SLC35F1: variants seen among roughly 807,000 people sequenced by gnomAD.
SLC35F1 encodes the protein chromosome 6 open reading frame 169.
A neutral mutation model predicts 48.7 loss-of-function variants in SLC35F1; 14 were observed. The observed-to-expected ratio is 0.29, with a 90% CI of 0.19 to 0.45. SLC35F1 has a LOEUF of 0.45. Ranked by LOEUF, SLC35F1 falls within the 20% of genes least tolerant of loss-of-function variation. SLC35F1 has a pLI of 1.00. For synonymous variants in SLC35F1, 190 were observed against 202.2 expected, an observed-to-expected ratio of 0.94 and a Z score of 0.51; for missense variants, 404 against 500.0, an observed-to-expected ratio of 0.81 and a Z score of 1.83.
chr6:118,113,892 G>A lies in SLC35F1; in HGVS notation c.174-40553G>A, dbSNP rs555439797. Among the ~76,000 whole-genome samples, 34 of 152,188 alleles carry A rather than the reference G, an allele frequency of 2.2e-4. No homozygotes were observed. In the East Asian group the frequency reaches 2.7e-3, roughly 12 times the overall value. On this transcript the variant is annotated intron_variant, in intron 1 of 7. Transcript: ENST00000360388. ...TATTGTCTGTCTTCTATTCTATGCC[G>A]AAGCTGTTAATATATTTGCAGTGCC...
At chr6:117,993,933 G>C (rs2114860021) in intron 1 of SLC35F1, among the ~76,000 whole-genome samples, 1 of 152,300 alleles carries the variant, frequency 6.6e-6, no homozygotes, top group African/African-American at 2.4e-5. Flanking sequence ...ATGCAAATTT[G>C]TTATTTCACG....
intron 1 of SLC35F1, among the ~76,000 whole-genome samples, chr6:118,029,496 T>G (rs186203594): frequency 1.3e-5 from 2 of 152,290 alleles, no homozygotes; most frequent in Non-Finnish European, 2.9e-5. Context: ...AAATTAAACT[T>G]TATCATGTTT....
Position 118,038,448 on chromosome 6 carries a change from G to A in SLC35F1, c.174-115997G>A, listed in dbSNP as rs58183780. 3.0e-3 allele frequency among the ~76,000 whole-genome samples: 460 copies of A among 152,078 alleles called. 3 individuals are homozygous for A. The highest frequency in any genetic ancestry group is 0.01 in the African/African-American group (434 of 41,534). On this transcript the variant is annotated intron_variant, in intron 1 of 7. Transcript: ENST00000360388. ...TTTATTTTGGTAGGGATTGTGTCAA[G>A]TCTGTAGATCAATTTGAGGAGTGCT... is the stretch of plus-strand genomic sequence containing the variant.
intron 2 of SLC35F1, among the ~76,000 whole-genome samples, chr6:118,178,333 G>A (rs1774523292): frequency 6.6e-6 from 1 of 151,964 alleles, no homozygotes; most frequent in African/African-American, 2.4e-5. Flanking sequence ...CCCATGTGTG[G>A]GAAGATCCTG....
Position 117,923,670 on chromosome 6 carries a change from T to TATATGCAC in SLC35F1, c.173+15776_173+15777insCACATATG, listed in dbSNP as rs1554216693. Among the ~76,000 whole-genome samples the TATATGCAC allele has an allele frequency of 1.1e-4, 3 of 26,826 alleles. 1 individual carries two copies. The highest frequency in any genetic ancestry group is 6.6e-4 in the African/African-American group (3 of 4,558). 17.6% of individuals were successfully genotyped at this position (26,826 alleles called of 152,430 possible). A position where few individuals can be genotyped will look rare whatever the true frequency, so the allele number is the denominator to read the frequency against. ...ACATATGTACATATGTATATATACA[T>TATATGCAC]ATATGTACATATATACATATGTACA... On this transcript the variant is annotated intron_variant, in intron 1 of 7. Coordinates refer to ENST00000360388, the MANE Select transcript of SLC35F1 (RefSeq NM_001029858.4).
chr6:118,088,802 C>T (rs1773030244), intron 1 of SLC35F1, among the ~76,000 whole-genome samples: 3 of 151,966 alleles, frequency 2.0e-5, no homozygotes, highest in African/African-American at 7.3e-5. Flanking sequence ...ATGTGTTAGC[C>T]CAGAGGAAGC....
At chr6:118,048,653 C>T (rs1254827401) in intron 1 of SLC35F1, among the ~76,000 whole-genome samples, 4 of 152,086 alleles carry the variant, frequency 2.6e-5, no homozygotes, top group African/African-American at 9.7e-5. Context: ...ATCCAACTTA[C>T]AAGGGATGTG....
intron 1 of SLC35F1, among the ~76,000 whole-genome samples, chr6:118,095,698 A>G (rs994338288): frequency 6.6e-6 from 1 of 152,186 alleles, no homozygotes; most frequent in African/African-American, 2.4e-5. Flanking sequence ...CAAATCAGAC[A>G]TACACAATAG....
intron 1 of SLC35F1, among the ~76,000 whole-genome samples, chr6:118,094,093 G>C (rs544274671): frequency 1.8e-4 from 28 of 152,284 alleles, no homozygotes; most frequent in African/African-American, 6.3e-4. Context: ...TTGCTTTTAA[G>C]GTGGCAGTTA....
chr6:118,071,058 T>TACTATGTGTACATA (rs1477288603), intron 1 of SLC35F1, among the ~76,000 whole-genome samples: 1 of 3,154 alleles, frequency 3.2e-4, no homozygotes. Flanking sequence ...AGTATATATA[T>TACTATGTGTACATA]TCTACGTATA....
At chr6:117,984,086 C>T (rs896565820) in intron 1 of SLC35F1, among the ~76,000 whole-genome samples, 1 of 152,100 alleles carries the variant, frequency 6.6e-6, no homozygotes, top group African/African-American at 2.4e-5. Flanking sequence ...GAAAAAACTC[C>T]TTATATATTT....
chr6:117,907,859 C>G lies in SLC35F1; in HGVS notation c.133C>G (p.Arg45Gly), dbSNP rs759584445. Residue 45 changes from arginine to glycine, a missense_variant, in exon 1 of 8, where the codon CGG (arginine) becomes GGG (glycine). Physicochemically the swap from Arg to Gly is moderately radical, Grantham distance 125. Transcript: ENST00000360388. ...GGGGSLSASS[R>G]AGVRQRIRKV... ...CGGCGGGAGCCTGTCCGCCTCCTCC[C>G]GGGCTGGCGTGCGCCAGAGGATCCG... The G allele has an allele frequency of 2.6e-6, 4 of 1,526,088 alleles. No individual in the cohort carries two copies. The highest frequency in any genetic ancestry group is 2.6e-6 in the Non-Finnish European group (3 of 1,147,040). 94.5% of individuals were successfully genotyped at this position (1,526,088 alleles called of 1,614,324 possible).
At chr6:118,091,373 G>A in intron 1 of SLC35F1, among the ~76,000 whole-genome samples, 1 of 152,164 alleles carries the variant, frequency 6.6e-6, no homozygotes. Context: ...ATGGGGACAG[G>A]TTTTTCCCAT....
At chr6:118,109,930 A>G (rs1157699192) in intron 1 of SLC35F1, among the ~76,000 whole-genome samples, 1 of 152,170 alleles carries the variant, frequency 6.6e-6, no homozygotes, top group East Asian at 1.9e-4. Context: ...TCTGTGAGGG[A>G]CTATATTAGT....
At chr6:118,242,904 C>T (rs963523238) in intron 3 of SLC35F1, among the ~76,000 whole-genome samples, 2 of 152,220 alleles carry the variant, frequency 1.3e-5, no homozygotes, top group Non-Finnish European at 2.9e-5. Flanking sequence ...CATATCCCCT[C>T]TTTCACACAG....
At chr6:118,075,485 G>A (rs1233208389) in intron 1 of SLC35F1, among the ~76,000 whole-genome samples, 1 of 152,190 alleles carries the variant, frequency 6.6e-6, no homozygotes, top group African/African-American at 2.4e-5. Context: ...AAGCCAATAT[G>A]TACTGGAAGC....
At chr6:117,942,962 C>A (rs1213399165) in intron 1 of SLC35F1, among the ~76,000 whole-genome samples, 1 of 152,120 alleles carries the variant, frequency 6.6e-6, no homozygotes, top group Non-Finnish European at 1.5e-5. Context: ...TGATCAATTT[C>A]TCTTAGTTCA....
intron 1 of SLC35F1, among the ~76,000 whole-genome samples, chr6:118,131,097 G>A (rs1773703464): frequency 6.6e-6 from 1 of 152,086 alleles, no homozygotes; most frequent in East Asian, 1.9e-4. Context: ...TAGTCCAAAA[G>A]CATGCTTTCT....
At chr6:118,218,111 T>C (rs1775099462) in intron 2 of SLC35F1, among the ~76,000 whole-genome samples, 1 of 152,162 alleles carries the variant, frequency 6.6e-6, no homozygotes, top group Admixed American at 6.6e-5. Context: ...TCTAAGTTTC[T>C]GTTATCAAGG....
Sources: allele counts gnomAD v4.1 joint callset (sites outside exome capture counted in the v4.1 genomes callset), GRCh38; gene constraint gnomAD v4.1.1; transcripts MANE v1.5; gene names NCBI Gene and HGNC (gene_info 2026-07-23, HGNC 2026-07-21).